Variants in YTHDF2 observed in about 807,000 individuals in gnomAD.
YTHDF2 encodes the protein YTH N6-methyladenosine RNA binding protein F2.
Under a neutral mutation model 50.4 loss-of-function variants are expected in YTHDF2, and 2 were observed. That is an observed-to-expected ratio of 0.04 (90% confidence interval 0.02 to 0.12). YTHDF2 has a LOEUF of 0.12. YTHDF2 is among the 10% of genes least tolerant of loss of function. The pLI is 1.00. For synonymous variants in YTHDF2, 217 were observed against 255.6 expected (o/e 0.85, Z 1.44); for missense variants, 483 against 722.6 (o/e 0.67, Z 3.80).
intron 4 of YTHDF2, among the ~76,000 whole-genome samples, chr1:28,752,039 A>G (rs957859078): frequency 6.6e-6 from 1 of 152,184 alleles, no homozygotes; most frequent in African/African-American, 2.4e-5. Flanking sequence ...TATTTATCCA[A>G]AGTCTCATAG....
Position 28,744,969 on chromosome 1 carries a change from C to G in YTHDF2, c.1716+983C>G, listed in dbSNP as rs559331630. Among the ~76,000 whole-genome samples the G allele has an allele frequency of 9.3e-4, 141 of 152,224 alleles. 2 individuals carry two copies. The highest frequency in any genetic ancestry group is 3.3e-3 in the African/African-American group (137 of 41,538). Reference sequence around the variant, plus strand: ...TGTGAGCCACTGCAGCTGGCCTAGACATTGTTAAATGTAGGAAGTAGGTGA... The same window carrying G: ...TGTGAGCCACTGCAGCTGGCCTAGAGATTGTTAAATGTAGGAAGTAGGTGA... On this transcript the variant is annotated intron_variant, in intron 4 of 4. Transcript: ENST00000373812.
intron 4 of YTHDF2, among the ~76,000 whole-genome samples, chr1:28,759,885 G>A (rs1570477331): frequency 6.6e-6 from 1 of 152,186 alleles, no homozygotes; most frequent in East Asian, 1.9e-4. Context: ...GAACCCGGGA[G>A]GCGGAGGTTG....
chr1:28,745,461 T>C (rs1437030739), intron 4 of YTHDF2, among the ~76,000 whole-genome samples: 1 of 152,216 alleles, frequency 6.6e-6, no homozygotes, highest in Non-Finnish European at 1.5e-5. Context: ...AAGCCTGGCG[T>C]CATGGCTCAC....
intron 4 of YTHDF2, among the ~76,000 whole-genome samples, chr1:28,763,919 CTTT>C (rs2088176479): frequency 6.9e-6 from 1 of 145,186 alleles, no homozygotes; most frequent in Non-Finnish European, 1.5e-5. Flanking sequence ...CAGCTCATAT[CTTT>C]ATTATTATTA....
chr1:28,759,154 C>T (rs1372892808), intron 4 of YTHDF2, among the ~76,000 whole-genome samples: 3 of 152,166 alleles, frequency 2.0e-5, no homozygotes, highest in South Asian at 2.1e-4. Flanking sequence ...TGCATTTTAT[C>T]AGCTCTACAA....
chr1:28,751,589 C>T (rs1191588659), intron 4 of YTHDF2, among the ~76,000 whole-genome samples: 2 of 152,148 alleles, frequency 1.3e-5, no homozygotes, highest in African/African-American at 4.8e-5. Context: ...ATAGATAAAA[C>T]GCCTCTTTCT....
At chr1:28,752,005 A>T (rs1272264350) in intron 4 of YTHDF2, among the ~76,000 whole-genome samples, 2 of 152,216 alleles carry the variant, frequency 1.3e-5, no homozygotes, top group African/African-American at 4.8e-5. Flanking sequence ...CTCATATTTC[A>T]GATAAAGGAA....
intron 4 of YTHDF2, among the ~76,000 whole-genome samples, chr1:28,758,779 A>G (rs1175494180): frequency 1.3e-5 from 2 of 152,200 alleles, no homozygotes; most frequent in African/African-American, 4.8e-5. Flanking sequence ...AGTTTTAGTT[A>G]TGGCAAAAGT....
chr1:28,748,444 A>G (rs1322433772), intron 4 of YTHDF2, among the ~76,000 whole-genome samples: 1 of 152,204 alleles, frequency 6.6e-6, no homozygotes, highest in Non-Finnish European at 1.5e-5. Context: ...GTAACCCCAT[A>G]AAGAAGTAGG....
intron 4 of YTHDF2, among the ~76,000 whole-genome samples, chr1:28,757,537 T>C (rs1346048377): frequency 6.6e-6 from 1 of 152,220 alleles, no homozygotes; most frequent in Non-Finnish European, 1.5e-5. Context: ...CCTATATCAC[T>C]TGGTGTACTA....
At position 28,737,641 on chromosome 1, in the gene YTHDF2, G is replaced by T. The variant is rs1045891428; in HGVS notation, c.28-17G>T. The T allele has an allele frequency of 6.2e-7, 1 of 1,613,474 alleles. No homozygotes were observed. The highest frequency in any genetic ancestry group is 1.7e-5 in the Admixed American group (1 of 59,964). On this transcript the variant is annotated splice_polypyrimidine_tract_variant and intron_variant, in intron 1 of 4. Coordinates refer to ENST00000373812, the MANE Select transcript of YTHDF2 (RefSeq NM_016258.3). ...TTTGGACAACTTGCTGCTCGGCGAC[G>T]TTTCCTTCCCCTGCAGAGACCAAAA...
intron 4 of YTHDF2, among the ~76,000 whole-genome samples, chr1:28,758,851 G>A (rs2088073056): frequency 6.6e-6 from 1 of 152,118 alleles, no homozygotes; most frequent in African/African-American, 2.4e-5. Flanking sequence ...CGGTGGACCT[G>A]GACGTGAGAG....
At chr1:28,768,795 T>A (rs1264340618) in intron 4 of YTHDF2, 134 bp from the exon 5 acceptor site, 6 of 662,016 alleles carry the variant, frequency 9.1e-6, no homozygotes, top group Non-Finnish European at 1.4e-5. Flanking sequence ...TGGGGAATGT[T>A]CTACTTAGAA....
rs200917464 is a variant in YTHDF2 at position 28,744,004 on chromosome 1, A to G, written c.1716+18A>G. ...TTAAAAAGGTAACCCACTTCTTCTT[A>G]TTAAGATTTTTAGGGAAGGAGGAAC... On this transcript the variant is annotated intron_variant, in intron 4 of 4. Transcript: ENST00000373812. 2.0e-6 allele frequency: 3 copies of G among 1,520,636 alleles called. No homozygotes were observed. The highest frequency in any genetic ancestry group is 2.8e-5 in the African/African-American group (2 of 71,778). 94.2% of individuals were successfully genotyped at this position (1,520,636 alleles called of 1,614,324 possible). A position where few individuals can be genotyped will look rare whatever the true frequency, so the allele number is the denominator to read the frequency against.
intron 4 of YTHDF2, among the ~76,000 whole-genome samples, chr1:28,757,679 A>G (rs1480299757): frequency 2.6e-5 from 4 of 152,216 alleles, no homozygotes; most frequent in Non-Finnish European, 5.9e-5. Flanking sequence ...AATATTTGCA[A>G]GTTTTGCATT....
At chr1:28,738,635 C>G (rs571547352) in intron 3 of YTHDF2, among the ~76,000 whole-genome samples, 4 of 152,170 alleles carry the variant, frequency 2.6e-5, no homozygotes, top group East Asian at 1.9e-4. Context: ...TTAGTAGAGA[C>G]GGGGTTTCAT....
At chr1:28,737,590 A>G (rs2087713930) in intron 1 of YTHDF2, 68 bp from the exon 2 acceptor site, 1 of 1,609,572 alleles carries the variant, frequency 6.2e-7, no homozygotes, top group South Asian at 1.1e-5. Flanking sequence ...CCCTGCCTTA[A>G]TTTGTTCTTC....
intron 4 of YTHDF2, among the ~76,000 whole-genome samples, chr1:28,763,245 G>C (rs1189746824): frequency 1.3e-5 from 2 of 152,156 alleles, no homozygotes; most frequent in African/African-American, 4.8e-5. Context: ...GTCTGGACTT[G>C]TAGTTTCCTA....
At chr1:28,741,374 T>C (rs1245328710) in intron 3 of YTHDF2, among the ~76,000 whole-genome samples, 1 of 152,086 alleles carries the variant, frequency 6.6e-6, no homozygotes, top group African/African-American at 2.4e-5. Flanking sequence ...CTGGGCTCAC[T>C]GCAACCTCGG....
Sources: allele counts gnomAD v4.1 joint callset (sites outside exome capture counted in the v4.1 genomes callset), GRCh38; gene constraint gnomAD v4.1.1; transcripts MANE v1.5; gene names NCBI Gene and HGNC (gene_info 2026-07-23, HGNC 2026-07-21).